ITGA2B: variants seen among roughly 807,000 people sequenced by gnomAD.
ITGA2B encodes the protein integrin alpha-IIb.
A neutral mutation model predicts 142.0 loss-of-function variants in ITGA2B; 91 were observed. The observed-to-expected ratio is 0.64, with a 90% confidence interval of 0.54 to 0.76. The LOEUF is 0.76. ITGA2B is among the 30% of genes least tolerant of loss of function. The probability of loss-of-function intolerance (pLI) is 0.00; values close to 1 mark genes in which losing one functional copy is unlikely to be tolerated. For missense variants in ITGA2B, 1,231 were observed against 1,350.8 expected, an observed-to-expected ratio of 0.91 and a Z score of 1.39; for synonymous variants, 536 against 567.2, an observed-to-expected ratio of 0.94 and a Z score of 0.78.
At chr17:44,383,999 AGAAATGGGCCCTCACCTCCCAT>A (rs1346436549) in intron 10 of ITGA2B, 53 bp from the exon 11 acceptor site, 1 of 1,613,906 alleles carries the variant, frequency 6.2e-7, no homozygotes, top group Admixed American at 1.7e-5. Context: ...ATCCTCTTTA[AGAAATGGGCCCTCACCTCCCAT>A]GAAATATTCT....
chr17:44,380,424 C>A lies in ITGA2B; in HGVS notation c.1506G>T (p.Lys502Asn), dbSNP rs757912169. 1 of 1,614,164 alleles carries A rather than the reference C, an allele frequency of 6.2e-7. No individual in the cohort carries two copies. The highest frequency in any genetic ancestry group is 8.5e-7 in the Non-Finnish European group (1 of 1,180,030). ...LVQDSLNPAVKSCVLPQTKTP... is the reference protein window; with the variant it reads ...LVQDSLNPAVNSCVLPQTKTP... Reference sequence around the variant, plus strand: ...TCTTGGTCTGAGGTAGGACACAGCTCTTCACAGCAGGATTCAGTGAATCTT... The same window carrying A: ...TCTTGGTCTGAGGTAGGACACAGCTATTCACAGCAGGATTCAGTGAATCTT... The change falls in exon 15 of 30, where the codon AAG (lysine) becomes AAT (asparagine). Residue 502 changes from lysine (K) to asparagine (N), a missense_variant. Lys to Asn is a moderately conservative substitution (Grantham distance 94). Transcript: ENST00000262407.
chr17:44,382,038 T>G (rs2143469964), intron 12 of ITGA2B, among the ~76,000 whole-genome samples: 1 of 152,270 alleles, frequency 6.6e-6, no homozygotes, highest in East Asian at 1.9e-4. Flanking sequence ...AGCCCACTGT[T>G]ATGCTATAAT....
intron 18 of ITGA2B, among the ~76,000 whole-genome samples, chr17:44,379,038 C>T (rs1410666433): frequency 6.0e-5 from 9 of 150,504 alleles, no homozygotes; most frequent in South Asian, 2.1e-4. Flanking sequence ...CTCCGCCCCC[C>T]GGGGTTCACG....
chr17:44,386,111 G>T lies in ITGA2B; in HGVS notation c.209C>A (p.Ala70Asp). ...CTGGCTGGGGCCCAGGGTCCGCGGG[G>T]CGCCCACCACGATGGCCACTCTGCA... ...SHGRVAIVVGAPRTLGPSQEE... is the reference protein window; with the variant it reads ...SHGRVAIVVGDPRTLGPSQEE... The change falls in exon 2 of 30, where the codon GCC (alanine) becomes GAC (aspartate). Residue 70 changes from alanine to aspartate, a missense_variant. Around this residue, in one of 3 missense-constraint regions of ITGA2B, gnomAD observed 318 missense variants for 312.2 expected, o/e 1.02. Transcript: ENST00000262407. The T allele has an allele frequency of 6.2e-7, 1 of 1,603,572 alleles. No individual in the cohort carries two copies. Among genetic ancestry groups the T allele is most frequent in the Non-Finnish European group, 8.5e-7 (1 of 1,177,208 alleles).
chr17:44,374,862 T>C, intron 27 of ITGA2B, 102 bp from the exon 28 acceptor site: 1 of 1,265,350 alleles, frequency 7.9e-7, no homozygotes, highest in Non-Finnish European at 1.1e-6. Context: ...GCCTCTGACC[T>C]AATCCCACTG....
At chr17:44,372,705 T>C (rs1321620517) in intron 29 of ITGA2B, among the ~76,000 whole-genome samples, 1 of 152,006 alleles carries the variant, frequency 6.6e-6, no homozygotes, top group Non-Finnish European at 1.5e-5. Context: ...CTCGGCTCAG[T>C]GCAGCCTCCA....
rs762891120 is a variant in ITGA2B at position 44,378,645 on chromosome 17, G to A, written c.1944C>T (p.Ser648=). Residue 648 remains serine (S), a splice_region_variant and synonymous_variant, in exon 19 of 30, where the codon AGC becomes AGT. Transcript: ENST00000262407. Reference sequence around the variant, plus strand: ...GGCAGAATGGGAGGCCTCCTCACACGCTGGCAGTGAGCTGAAGCTGGGGCA... The same window carrying A: ...GGCAGAATGGGAGGCCTCCTCACACACTGGCAGTGAGCTGAAGCTGGGGCA... The part of the protein sequence containing the change: ...VCVPQLQLTA[S]VTGSPLLVGA... The A allele has an allele frequency of 1.8e-5, 28 of 1,566,082 alleles. No individual in the cohort carries two copies. The highest frequency in any genetic ancestry group is 1.2e-4 in the South Asian group (10 of 85,186).
intron 1 of ITGA2B, 96 bp from the exon 2 acceptor site, chr17:44,386,227 T>TG: frequency 1.3e-6 from 2 of 1,517,402 alleles, no homozygotes; most frequent in South Asian, 2.4e-5. Context: ...CCATGTGGCA[T>TG]GGGGGCACTG....
rs777169988 is a variant in ITGA2B, at chr17:44,374,416, C to A, written c.2998G>T (p.Val1000Leu). The change falls in exon 29 of 30, where the codon GTG becomes TTG. Residue 1000 changes from valine to leucine, a missense_variant. Physicochemically the swap from Val to Leu is conservative, Grantham distance 32 (BLOSUM62 1). Around this residue, in one of 3 missense-constraint regions of ITGA2B, gnomAD observed 908 missense variants for 1,021.1 expected, o/e 0.89. Transcript: ENST00000262407. ...LEERAIPIWW[V>L]LVGVLGGLLL... is the part of the protein sequence containing the mutation. ...AGGCCACCCAGCACACCCACCAGCACCCACCAGATTGGAATGGCCCTCTCC... is the reference window on the plus strand; with the variant it reads ...AGGCCACCCAGCACACCCACCAGCAACCACCAGATTGGAATGGCCCTCTCC... 1 of 1,614,136 alleles carries A rather than the reference C, an allele frequency of 6.2e-7. No homozygotes were observed. Among genetic ancestry groups the A allele is most frequent in the Non-Finnish European group, 8.5e-7 (1 of 1,180,030 alleles).
Position 44,385,746 on chromosome 17 carries a change from G to A in ITGA2B, c.409-30C>T, listed in dbSNP as rs548691340. ...AGAAAGGCCACAGGAGTGGGGACGG[G>A]CGCGAGACTTGGGCTCCTCCTGGCC... On this transcript the variant is annotated intron_variant, in intron 3 of 29. Transcript: ENST00000262407. 9.3e-6 allele frequency: 15 copies of A among 1,613,360 alleles called. No individual in the cohort carries two copies. In the Admixed American group the frequency reaches 2.2e-4, roughly 23 times the overall value.
rs371139217 is a variant in ITGA2B, at chr17:44,377,458, TGCTGG to T, written c.2187+235_2187+239del. Among the ~76,000 whole-genome samples, 14 of 152,026 alleles carry T rather than the reference TGCTGG, an allele frequency of 9.2e-5. No individual in the cohort carries two copies. The East Asian group carries it at 1.2e-3, about 13-fold the overall frequency. On this transcript the variant is annotated intron_variant, in intron 21 of 29. Coordinates refer to ENST00000262407, the MANE Select transcript of ITGA2B (RefSeq NM_000419.5). Reference sequence around the variant, plus strand: ...ATCCACCCGTCTCGGCCTCCCAGAGTGCTGGGATTACAGGCGTGAGCCACCGCACC... The same window carrying T: ...ATCCACCCGTCTCGGCCTCCCAGAGTGATTACAGGCGTGAGCCACCGCACC...
At position 44,377,074 on chromosome 17, in the gene ITGA2B, C is replaced by G. The variant is rs778105649; in HGVS notation, c.2202G>C (p.Met734Ile). 1.3e-6 allele frequency: 2 copies of G among 1,580,944 alleles called. No individual in the cohort carries two copies. The highest frequency in any genetic ancestry group is 3.6e-5 in the Admixed American group (2 of 54,978). The change falls in exon 22 of 30, where the codon ATG becomes ATC. Residue 734 changes from methionine to isoleucine, a missense_variant. Met to Ile is a conservative substitution (Grantham distance 10). Coordinates refer to ENST00000262407, the MANE Select transcript of ITGA2B (RefSeq NM_000419.5). The stretch of plus-strand genomic sequence containing the variant: ...CTTCCAGATTCCCCACGCTCACCAA[C>G]ATCGCGATTCCTATCTGGGAGATGA... ...MKKNAQIGIA[M>I]LVSVGNLEEA...
chr17:44,385,567 G>A lies in ITGA2B; in HGVS notation c.558C>T (p.Tyr186=), dbSNP rs1416238665. 1 of 1,593,518 alleles carries A rather than the reference G, an allele frequency of 6.3e-7. No homozygotes were observed. The highest frequency in any genetic ancestry group is 1.8e-5 in the Admixed American group (1 of 56,724). The change falls in exon 4 of 30, where the codon TAC becomes TAT. Residue 186 remains tyrosine (Y), a synonymous_variant. Transcript: ENST00000262407. ...GGCGCTTACTAAAATCATTTTCCAC[G>A]TAAATGCGGCTCAGGGTGTTCCCGC... ...PCRGNTLSRI[Y]VENDFSWDKR...
rs534387375 is a variant in ITGA2B, at chr17:44,376,816, T to G, written c.2267+193A>C. 2.0e-5 allele frequency among the ~76,000 whole-genome samples: 3 copies of G among 152,228 alleles called. No homozygotes were observed. The East Asian group carries it at 5.8e-4, about 29-fold the overall frequency. ...TTAGTAGAGATGGGGTTTCACCATG[T>G]TGGCCAGGCTGGTCTCCAACTCCTG... On this transcript the variant is annotated intron_variant, in intron 22 of 29. Coordinates refer to ENST00000262407, the MANE Select transcript of ITGA2B (RefSeq NM_000419.5).
intron 18 of ITGA2B, among the ~76,000 whole-genome samples, chr17:44,379,024 C>G (rs1338540669): frequency 6.6e-6 from 1 of 152,030 alleles, no homozygotes; most frequent in South Asian, 2.1e-4. Flanking sequence ...CGGCTCACTG[C>G]AAGCTCCGCC....
rs375720460 is a variant in ITGA2B, at chr17:44,379,998, G to T, written c.1752+4C>A. 2 of 1,613,260 alleles carry T rather than the reference G, an allele frequency of 1.2e-6. No homozygotes were observed. Among genetic ancestry groups the T allele is most frequent in the South Asian group, 2.2e-5 (2 of 91,036 alleles). On this transcript the variant is annotated splice_donor_region_variant and intron_variant, in intron 17 of 29. Coordinates refer to ENST00000262407, the MANE Select transcript of ITGA2B (RefSeq NM_000419.5). ...AGCCCTGCCAATCCCCTGCCTGGGC[G>T]TACTCGAAGGAAGGCCATGGTGGTG...
At chr17:44,374,614 A>G (rs1362856284) in intron 28 of ITGA2B, 45 bp downstream of exon 28, 4 of 1,572,382 alleles carry the variant, frequency 2.5e-6, no homozygotes, top group African/African-American at 1.3e-5. Flanking sequence ...CTGGGGGACA[A>G]TGGGTCCTGC....
chr17:44,373,960 C>T (rs2048517539), intron 29 of ITGA2B: 1 of 272,452 alleles, frequency 3.7e-6, no homozygotes, highest in Non-Finnish European at 7.3e-6. Context: ...AGCTGGAGTG[C>T]AGTGGTGTGA....
At chr17:44,387,689 G>T (rs1178867806) in intron 1 of ITGA2B, among the ~76,000 whole-genome samples, 28 of 151,704 alleles carry the variant, frequency 1.8e-4, no homozygotes, top group Admixed American at 1.8e-3. Flanking sequence ...GCCGGGTGTG[G>T]TGGCACATGC....
Sources: allele counts gnomAD v4.1 joint callset (sites outside exome capture counted in the v4.1 genomes callset), GRCh38; gene constraint gnomAD v4.1.1; regional missense constraint gnomAD v4.1.1; transcripts MANE v1.5; gene names NCBI Gene and HGNC (gene_info 2026-07-23, HGNC 2026-07-21).